The following CELF2 variants were observed in gnomAD, a reference collection of about 807,000 sequenced individuals.
CELF2 encodes CUG triplet repeat RNA-binding protein 2.
Under a neutral mutation model 62.6 loss-of-function variants are expected in CELF2, and 8 were observed. That is an observed-to-expected ratio of 0.13 (90% CI 0.07 to 0.23). CELF2 has a LOEUF of 0.23. Among genes scored for constraint, CELF2 ranks in the 10% least tolerant of loss-of-function variants. CELF2 has a pLI of 1.00. For missense variants in CELF2, 333 were observed against 671.0 expected, an observed-to-expected ratio of 0.50 and a Z score of 5.56; for synonymous variants, 258 against 250.0, an observed-to-expected ratio of 1.03 and a Z score of -0.30.
In CELF2 at chr10:11,145,766, T is replaced by A. The variant is rs936785431; in HGVS notation, c.75-19720T>A. 1.3e-5 allele frequency among the ~76,000 whole-genome samples: 2 copies of A among 152,226 alleles called. No homozygotes were observed. The highest frequency in any genetic ancestry group is 2.9e-5 in the Non-Finnish European group (2 of 68,036). On this transcript the variant is annotated intron_variant, in intron 1 of 12. Coordinates refer to ENST00000633077, the MANE Select transcript of CELF2 (RefSeq NM_001326342.2). This position sits in a 1 kb window ranked among gnomAD's most constrained non-coding sequence, Gnocchi z 4.3. ...GTTGCTTCATTTATTTTTCTTTTTT[T>A]AGTGTCATTACCAGTATTGGTTGCA... is the stretch of plus-strand genomic sequence containing the variant.
At chr10:10,648,019 TA>T in the CELF2 span, among the ~76,000 whole-genome samples, 1 of 152,208 alleles carries the variant, frequency 6.6e-6, no homozygotes, top group Non-Finnish European at 1.5e-5. Context: ...CAGATGTTTT[TA>T]ACTCCAAACT....
chr10:10,637,263 A>G, the CELF2 span, among the ~76,000 whole-genome samples: 2 of 152,168 alleles, frequency 1.3e-5, no homozygotes, highest in Non-Finnish European at 1.5e-5. Context: ...CCCACAAAAC[A>G]TACCTTAGTG....
intron 9 of CELF2, among the ~76,000 whole-genome samples, chr10:11,307,496 T>C (rs535683252): frequency 1.3e-5 from 2 of 152,352 alleles, no homozygotes; most frequent in East Asian, 3.9e-4. Context: ...TATCATTTTG[T>C]CTGTTCTGTT....
chr10:10,462,615 C>CTTTTTTTTTTTTTTTTTTTTTTTT, the CELF2 span, among the ~76,000 whole-genome samples: 22 of 69,412 alleles, frequency 3.2e-4, 1 homozygote, highest in South Asian at 7.0e-4. Flanking sequence ...TTTTTTTCAT[C>CTTTTTTTTTTTTTTTTTTTTTTTT]TTTTTTTTTT....
intron 2 of CELF2, among the ~76,000 whole-genome samples, chr10:10,982,409 A>G (rs1323838979): frequency 1.3e-5 from 2 of 152,232 alleles, no homozygotes; most frequent in Non-Finnish European, 2.9e-5. Context: ...CCGACAAAAG[A>G]AAACTAGCTT....
At chr10:11,095,156 A>G (rs1230720072) in intron 1 of CELF2, among the ~76,000 whole-genome samples, 3 of 152,164 alleles carry the variant, frequency 2.0e-5, no homozygotes, top group Admixed American at 1.3e-4. Flanking sequence ...CCCCCGTGAT[A>G]CTTTGCGTAG....
chr10:11,253,744 T>C (rs768180088), intron 4 of CELF2, among the ~76,000 whole-genome samples: 3 of 152,250 alleles, frequency 2.0e-5, no homozygotes, highest in Non-Finnish European at 2.9e-5. Flanking sequence ...CATCATATCA[T>C]GGAAGGTAGA....
In CELF2 at chr10:11,196,929, A is replaced by C. The variant is rs528972843; in HGVS notation, c.272-20496A>C. Among the ~76,000 whole-genome samples the C allele has an allele frequency of 1.3e-3, 197 of 150,914 alleles. 2 individuals carry two copies. Among genetic ancestry groups the C allele is most frequent in the African/African-American group, 4.5e-3 (182 of 40,868 alleles). On this transcript the variant is annotated intron_variant, in intron 2 of 12. Transcript: ENST00000633077. ...AGCCGAGATCGCACCACTGCACTCC[A>C]GCCTGGGCGACAGAGCGAGACTCTG...
At chr10:10,982,503 A>G (rs552038718) in intron 2 of CELF2, among the ~76,000 whole-genome samples, 1 of 152,334 alleles carries the variant, frequency 6.6e-6, no homozygotes, top group Non-Finnish European at 1.5e-5. Context: ...GAGGTTAACC[A>G]AGCAGCACCT....
intron 9 of CELF2, among the ~76,000 whole-genome samples, chr10:11,288,891 C>G (rs1002533821): frequency 1.4e-4 from 22 of 152,104 alleles, no homozygotes. Flanking sequence ...TTTCTTTGTC[C>G]TGCCCTTTTC....
At chr10:10,509,181 G>A in the CELF2 span, among the ~76,000 whole-genome samples, 17 of 150,980 alleles carry the variant, frequency 1.1e-4, no homozygotes, top group African/African-American at 4.1e-4. Flanking sequence ...GTACTGGAAG[G>A]ATCATAATGT....
upstream of CELF2, chr10:11,005,294 G>GAT: frequency 3.8e-6 from 6 of 1,570,274 alleles, no homozygotes; most frequent in Non-Finnish European, 5.2e-6. This position sits in a 1 kb window ranked among gnomAD's most constrained non-coding sequence, Gnocchi z 4.3. Flanking sequence ...GAGAGAGAGA[G>GAT]GGAGGAGAGG....
chr10:11,319,213 G>A lies in CELF2; in HGVS notation c.1097-1976G>A, dbSNP rs775176419. On this transcript the variant is annotated intron_variant, in intron 10 of 12. Coordinates refer to ENST00000633077, the MANE Select transcript of CELF2 (RefSeq NM_001326342.2). The surrounding 1 kb of genome is among the most constrained non-coding windows in gnomAD (Gnocchi z 4.4). ...AATCCACAGCACCCGTTAACAGCCT[G>A]GCCAAAGTGAGACCAACAGAATTTA... 7.3e-6 allele frequency: 3 copies of A among 411,230 alleles called. No individual in the cohort carries two copies. The highest frequency in any genetic ancestry group is 5.5e-5 in the South Asian group (3 of 54,428). 25.5% of individuals were successfully genotyped at this position (411,230 alleles called of 1,614,324 possible). A position where few individuals can be genotyped will look rare whatever the true frequency, so the allele number is the denominator to read the frequency against.
At chr10:11,141,047 G>C (rs186493114) in intron 1 of CELF2, among the ~76,000 whole-genome samples, 2 of 152,292 alleles carry the variant, frequency 1.3e-5, no homozygotes, top group East Asian at 3.9e-4. Context: ...TAACTTTTGT[G>C]TATTCGTAGA....
chr10:10,470,173 A>T, the CELF2 span, among the ~76,000 whole-genome samples: 1 of 151,858 alleles, frequency 6.6e-6, no homozygotes, highest in Non-Finnish European at 1.5e-5. Context: ...CTCAACCTTC[A>T]TGGCCATAAA....
the CELF2 span, among the ~76,000 whole-genome samples, chr10:10,475,680 C>T: frequency 0.35 from 52,453 of 151,694 alleles, 9,821 homozygotes; most frequent in Admixed American, 0.43. Flanking sequence ...TATACGTTGT[C>T]CTCATAGGTA....
the CELF2 span, among the ~76,000 whole-genome samples, chr10:10,538,150 G>A: frequency 6.6e-6 from 1 of 152,280 alleles, no homozygotes; most frequent in East Asian, 1.9e-4. Context: ...TAGTAGGGGT[G>A]CCCTGACAAA....
intron 1 of CELF2, among the ~76,000 whole-genome samples, chr10:10,865,537 T>C (rs2060300747): frequency 6.6e-6 from 1 of 152,232 alleles, no homozygotes; most frequent in African/African-American, 2.4e-5. Flanking sequence ...TAGTTACATC[T>C]AAGTCATTCT....
chr10:10,841,298 A>G (rs1030930187), intron 1 of CELF2, among the ~76,000 whole-genome samples: 5 of 152,012 alleles, frequency 3.3e-5, no homozygotes, highest in African/African-American at 1.2e-4. Flanking sequence ...TAAAAGGTCC[A>G]AATTGTCAAT....
Sources: allele counts gnomAD v4.1 joint callset (sites outside exome capture counted in the v4.1 genomes callset), GRCh38; gene constraint gnomAD v4.1.1; non-coding constraint Gnocchi (gnomAD v3.1); transcripts MANE v1.5; gene names NCBI Gene and HGNC (gene_info 2026-07-23, HGNC 2026-07-21).